The following RPL17 variants were observed in gnomAD, a reference collection of about 807,000 sequenced individuals.
RPL17 encodes ribosomal protein L17.
A neutral mutation model predicts 27.7 loss-of-function variants in RPL17; 2 were observed. The ratio of observed to expected loss-of-function variants is 0.07; its 90% confidence interval spans 0.03 to 0.23. The LOEUF (loss-of-function observed/expected upper bound fraction) is 0.23, where lower values mean the gene tolerates loss of function less well. Among genes scored for constraint, RPL17 ranks in the 10% least tolerant of loss-of-function variants. The pLI is 1.00. For missense variants in RPL17, 141 were observed against 238.8 expected (o/e 0.59, Z 2.70); for synonymous variants, 76 against 75.5 (o/e 1.01, Z -0.03).
At chr18:49,490,159 T>TA (rs2083951465) in intron 5 of RPL17, 1 of 325,354 alleles carries the variant, frequency 3.1e-6, no homozygotes, top group Non-Finnish European at 5.7e-6. Context: ...CAAAAAGGGG[T>TA]AAAAGCCCCT....
At chr18:49,491,340 C>T (rs1181687920) in intron 3 of RPL17, 65 bp downstream of exon 3, 2 of 1,610,062 alleles carry the variant, frequency 1.2e-6, no homozygotes, top group South Asian at 1.1e-5. Context: ...AGAAAGTCAT[C>T]ACTGCAGCTA....
chr18:49,491,818 A>T lies in RPL17; in HGVS notation c.-13-234T>A, dbSNP rs755687087. On this transcript the variant is annotated intron_variant, in intron 1 of 6. Transcript: ENST00000580261. The stretch of plus-strand genomic sequence containing the variant: ...CCACAGAAGTAGCCACACGGGCCTC[A>T]CCAATCCAGTCAACCCTTTGGAAGA... 5 of 732,784 alleles carry T rather than the reference A, an allele frequency of 6.8e-6. No homozygotes were observed. In the East Asian group the frequency reaches 1.3e-4, roughly 19 times the overall value. 45.4% of individuals were successfully genotyped at this position (732,784 alleles called of 1,614,324 possible).
At chr18:49,489,285 G>T in intron 6 of RPL17, 74 bp downstream of exon 6, 1 of 1,509,228 alleles carries the variant, frequency 6.6e-7, no homozygotes, top group Non-Finnish European at 9.2e-7. Context: ...TTCCAAAGGT[G>T]TCCTAAGATA....
chr18:49,491,311 TA>T (rs771062519), intron 3 of RPL17, 93 bp downstream of exon 3: 2 of 1,577,228 alleles, frequency 1.3e-6, no homozygotes, highest in East Asian at 4.5e-5. Context: ...ATTTTCACGG[TA>T]AATCCAAAGG....
chr18:49,491,670 C>A, intron 1 of RPL17, 86 bp from the exon 2 acceptor site: 1 of 1,490,718 alleles, frequency 6.7e-7, no homozygotes, highest in South Asian at 1.1e-5. Flanking sequence ...AACAGCTGCT[C>A]AGAGAGTAGT....
chr18:49,492,288 G>A (rs573791555), intron 1 of RPL17, 170 bp downstream of exon 1: 1 of 152,760 alleles, frequency 6.5e-6, no homozygotes, highest in African/African-American at 2.4e-5. Flanking sequence ...GGCTCCCAAA[G>A]TCAGGCCCTC....
chr18:49,492,211 A>G (rs1176182383), intron 1 of RPL17: 1 of 155,182 alleles, frequency 6.4e-6, no homozygotes. Context: ...CCACCAGTGG[A>G]GGAGCCCGGT....
At chr18:49,489,666 A>T (rs894111352) in intron 5 of RPL17, 116 bp from the exon 6 acceptor site, 19 of 1,113,140 alleles carry the variant, frequency 1.7e-5, no homozygotes, top group Non-Finnish European at 2.3e-5. Flanking sequence ...GCCTCAATGA[A>T]ATCATTTTTA....
chr18:49,488,679 ATACTT>A, intron 6 of RPL17, 113 bp from the exon 7 acceptor site: 1 of 677,744 alleles, frequency 1.5e-6, no homozygotes. Flanking sequence ...AGGGGGAAAA[ATACTT>A]AAATGGTAGA....
chr18:49,489,222 G>T, intron 6 of RPL17, 137 bp downstream of exon 6: 1 of 935,296 alleles, frequency 1.1e-6, no homozygotes, highest in Non-Finnish European at 1.6e-6. Flanking sequence ...ACTTACAAAA[G>T]CCAAAATAAG....
Position 49,491,400 on chromosome 18 carries a change from C to A in RPL17, c.81+5G>T. ...ACTGTTGGATCACAACTATGAATCG[C>A]ATACCTTAAAGTGAACACGAAGATT... On this transcript the variant is annotated splice_donor_5th_base_variant and intron_variant, in intron 3 of 6. Coordinates refer to ENST00000580261, the MANE Select transcript of RPL17 (RefSeq NM_001035006.5). The A allele has an allele frequency of 6.2e-6, 10 of 1,614,132 alleles. No homozygotes were observed. The highest frequency in any genetic ancestry group is 8.5e-6 in the Non-Finnish European group (10 of 1,180,036).
chr18:49,490,188 TAA>T (rs1221333194), intron 5 of RPL17: 6 of 390,150 alleles, frequency 1.5e-5, no homozygotes, highest in East Asian at 5.2e-5. Flanking sequence ...ACCTCCAGTG[TAA>T]AAAGACAGCA....
chr18:49,490,362 C>G, intron 5 of RPL17, 92 bp downstream of exon 5: 1 of 1,371,512 alleles, frequency 7.3e-7, no homozygotes, highest in Non-Finnish European at 1.0e-6. Flanking sequence ...GAGTTAATTA[C>G]TGAAAACAAG....
chr18:49,490,034 ATTTC>A (rs1415994057), intron 5 of RPL17, among the ~76,000 whole-genome samples: 3 of 152,218 alleles, frequency 2.0e-5, no homozygotes, highest in Admixed American at 6.5e-5. Context: ...ATTTTAAACA[ATTTC>A]TTTCTGAAAT....
rs978077781 is a variant in RPL17 at position 49,489,568 on chromosome 18, G to A, written c.316-18C>T. Reference sequence around the variant, plus strand: ...TCTAAACCCTGGGGAAGAAAGGAAGGAGAATGAAACCAGGAACATCCTTAA... The same window carrying A: ...TCTAAACCCTGGGGAAGAAAGGAAGAAGAATGAAACCAGGAACATCCTTAA... On this transcript the variant is annotated intron_variant, in intron 5 of 6. Coordinates refer to ENST00000580261, the MANE Select transcript of RPL17 (RefSeq NM_001035006.5). 1.9e-6 allele frequency: 3 copies of A among 1,598,646 alleles called. No homozygotes were observed. The African/African-American group carries it at 4.0e-5, about 21-fold the overall frequency.
intron 5 of RPL17, 154 bp downstream of exon 5, chr18:49,490,295 TAAAAG>T (rs1197089497): frequency 5.0e-6 from 4 of 794,564 alleles, no homozygotes; most frequent in African/African-American, 1.7e-5. Flanking sequence ...TCAAAAAAAA[TAAAAG>T]GAAATAGTTT....
intron 3 of RPL17, 163 bp from the exon 4 acceptor site, chr18:49,491,090 T>C (rs2084037868): frequency 8.4e-7 from 1 of 1,183,802 alleles, no homozygotes; most frequent in South Asian, 1.4e-5. Context: ...GTAAACTTCG[T>C]TGAAGCTAGA....
chr18:49,490,530 T>C lies in RPL17; in HGVS notation c.239A>G (p.Gln80Arg), dbSNP rs375831135. The C allele has an allele frequency of 8.4e-5, 135 of 1,613,922 alleles. No individual in the cohort carries two copies. The highest frequency in any genetic ancestry group is 6.7e-5 in the Admixed American group (4 of 59,986). ...CAQAKQWGWT[Q>R]GRWPKKSAEF... ...AGCACTCTTTTTGGGCCACCGACCT[T>C]GTGTCCAGCCCCATTGCTTGGCCTG... is the stretch of plus-strand genomic sequence containing the variant. Residue 80 changes from glutamine to arginine, a missense_variant, in exon 5 of 7, where the codon CAA (glutamine) becomes CGA (arginine). Around this residue, in one of 2 missense-constraint regions of RPL17, gnomAD observed 107 missense variants for 150.1 expected, o/e 0.71. Transcript: ENST00000580261.
chr18:49,491,057 A>G, intron 3 of RPL17, 130 bp from the exon 4 acceptor site: 1 of 1,455,544 alleles, frequency 6.9e-7, no homozygotes, highest in Non-Finnish European at 9.3e-7. Flanking sequence ...AGGCAATTAA[A>G]AAAACTTGTG....
Sources: allele counts gnomAD v4.1 joint callset (sites outside exome capture counted in the v4.1 genomes callset), GRCh38; gene constraint gnomAD v4.1.1; regional missense constraint gnomAD v4.1.1; transcripts MANE v1.5; gene names NCBI Gene and HGNC (gene_info 2026-07-23, HGNC 2026-07-21).